Variants in POC1B observed in about 807,000 individuals in gnomAD.
The protein encoded by POC1B is POC1 centriolar protein B.
In POC1B, 44 loss-of-function variants were observed where a neutral mutation model predicts 60.6. The ratio of observed to expected loss-of-function variants is 0.73; its 90% confidence interval spans 0.57 to 0.93. The LOEUF (loss-of-function observed/expected upper bound fraction) is 0.93. Ranked by LOEUF, POC1B falls within the 40% of genes least tolerant of loss-of-function variation. The probability of loss-of-function intolerance (pLI) is 0.00; values close to 1 mark genes in which losing one functional copy is unlikely to be tolerated. For missense variants in POC1B, 555 were observed against 572.3 expected (o/e 0.97, Z 0.31); for synonymous variants, 180 against 198.9 (o/e 0.90, Z 0.80).
At chr12:89,522,394 C>T in intron 2 of POC1B, 1 of 382,208 alleles carries the variant, frequency 2.6e-6, no homozygotes, top group Non-Finnish European at 4.6e-6. Context: ...ATCAAAATAG[C>T]AATGGCTCAA....
At chr12:89,513,305 G>T (rs1870277508) in intron 2 of POC1B, among the ~76,000 whole-genome samples, 1 of 150,154 alleles carries the variant, frequency 6.7e-6, no homozygotes, top group African/African-American at 2.5e-5. Context: ...TTCACTGCAG[G>T]GAAAGTAACT....
intron 4 of POC1B, among the ~76,000 whole-genome samples, chr12:89,490,776 A>G (rs1334045270): frequency 6.6e-6 from 1 of 152,192 alleles, no homozygotes. Flanking sequence ...CTGCCAAGAG[A>G]CTGCTACCAA....
chr12:89,450,484 G>C (rs1319451169), intron 10 of POC1B, among the ~76,000 whole-genome samples: 1 of 152,136 alleles, frequency 6.6e-6, no homozygotes, highest in East Asian at 1.9e-4. Flanking sequence ...GGGATTACAG[G>C]TGTGAGCCAC....
At chr12:89,407,743 T>C in the POC1B span, among the ~76,000 whole-genome samples, 1 of 152,202 alleles carries the variant, frequency 6.6e-6, no homozygotes, top group Non-Finnish European at 1.5e-5. Context: ...TGCAGCAACT[T>C]AATTGTTACA....
intron 2 of POC1B, among the ~76,000 whole-genome samples, chr12:89,499,097 G>C (rs1355360804): frequency 1.3e-5 from 2 of 152,074 alleles, no homozygotes; most frequent in Non-Finnish European, 2.9e-5. Flanking sequence ...GGAATGACAA[G>C]GAGGTCAGCG....
intron 10 of POC1B, among the ~76,000 whole-genome samples, chr12:89,458,617 G>T (rs1882351931): frequency 1.3e-5 from 2 of 152,158 alleles, no homozygotes; most frequent in African/African-American, 4.8e-5. Flanking sequence ...GTACAAGATA[G>T]ACTCAAAATG....
intron 9 of POC1B, chr12:89,460,996 T>C (rs1459355106): frequency 6.6e-6 from 1 of 152,164 alleles, no homozygotes; most frequent in Non-Finnish European, 1.5e-5. Flanking sequence ...ATAAGTGTAC[T>C]AACGAACCTT....
intron 2 of POC1B, among the ~76,000 whole-genome samples, chr12:89,511,303 C>G (rs1304554242): frequency 6.6e-6 from 1 of 151,664 alleles, no homozygotes; most frequent in Non-Finnish European, 1.5e-5. Context: ...TGCACACCAG[C>G]TACTTGGGAG....
At chr12:89,508,069 C>G (rs1869988264) in intron 2 of POC1B, among the ~76,000 whole-genome samples, 1 of 152,194 alleles carries the variant, frequency 6.6e-6, no homozygotes, top group African/African-American at 2.4e-5. Context: ...GTTCTCCTTC[C>G]CAGAAGCAAC....
At chr12:89,438,220 G>A (rs1881358113) in intron 10 of POC1B, among the ~76,000 whole-genome samples, 1 of 152,106 alleles carries the variant, frequency 6.6e-6, no homozygotes, top group Non-Finnish European at 1.5e-5. Flanking sequence ...CACTTTGGGA[G>A]GCCGAGGCGG....
At chr12:89,499,818 G>T (rs772143251) in intron 2 of POC1B, among the ~76,000 whole-genome samples, 1 of 152,214 alleles carries the variant, frequency 6.6e-6, no homozygotes, top group Non-Finnish European at 1.5e-5. Flanking sequence ...GCTTTTAGAA[G>T]AGAACACAGA....
chr12:89,429,609 T>C (rs986156729), intron 10 of POC1B: 1 of 152,176 alleles, frequency 6.6e-6, no homozygotes, highest in Non-Finnish European at 1.5e-5. Flanking sequence ...CATACTATCA[T>C]ACAATGATAA....
At chr12:89,450,140 A>C (rs992024052) in intron 10 of POC1B, among the ~76,000 whole-genome samples, 23 of 152,244 alleles carry the variant, frequency 1.5e-4, no homozygotes, top group Admixed American at 1.5e-3. Flanking sequence ...CAAAAATCAG[A>C]AACTAAATTC....
intron 9 of POC1B, among the ~76,000 whole-genome samples, chr12:89,464,549 A>G (rs866742264): frequency 7.8e-6 from 1 of 128,700 alleles, no homozygotes; most frequent in Non-Finnish European, 1.5e-5. Flanking sequence ...GTGCACTGAC[A>G]TGATCTCGGC....
chr12:89,437,122 TCAGA>T (rs1235073024), intron 10 of POC1B, among the ~76,000 whole-genome samples: 2 of 152,186 alleles, frequency 1.3e-5, no homozygotes. Context: ...CAGCACTCGA[TCAGA>T]CAGTTGTCAC....
intron 4 of POC1B, among the ~76,000 whole-genome samples, chr12:89,481,900 C>T (rs11105297): frequency 0.047 from 7,097 of 152,166 alleles, 268 homozygotes; most frequent in Non-Finnish European, 0.064. Context: ...CTAGATCCAC[C>T]CTACACAGGC....
intron 4 of POC1B, among the ~76,000 whole-genome samples, chr12:89,475,961 C>T (rs1390090229): frequency 7.9e-6 from 1 of 126,546 alleles, no homozygotes; most frequent in Non-Finnish European, 1.5e-5. Flanking sequence ...GGCTGGAAAG[C>T]AGTGGTGCAA....
chr12:89,408,405 T>G, the POC1B span, among the ~76,000 whole-genome samples: 1 of 152,096 alleles, frequency 6.6e-6, no homozygotes, highest in African/African-American at 2.4e-5. Flanking sequence ...ATGGCTGAAC[T>G]AATTTACACT....
intron 10 of POC1B, chr12:89,426,276 T>C (rs986917363): frequency 6.6e-6 from 1 of 152,160 alleles, no homozygotes; most frequent in Non-Finnish European, 1.5e-5. Flanking sequence ...ACAGAGTTTC[T>C]ACTTGGAATG....
Sources: gnomAD v4.1 joint callset for allele counts (sites outside exome capture counted in the v4.1 genomes callset) on GRCh38, gnomAD v4.1.1 for gene constraint, MANE v1.5 for transcripts, NCBI Gene and HGNC (gene_info 2026-07-23, HGNC 2026-07-21) for gene names.